Variants in CASQ1 observed in about 807,000 individuals in gnomAD.
The protein encoded by CASQ1 is calsequestrin-1.
A neutral mutation model predicts 49.5 loss-of-function variants in CASQ1; 40 were observed. That is an observed-to-expected ratio of 0.81 (90% confidence interval 0.63 to 1.05). CASQ1 has a LOEUF of 1.05. Among genes scored for constraint, CASQ1 ranks in the 50% least tolerant of loss-of-function variants. The pLI is 0.00. For missense variants in CASQ1, 469 were observed against 486.9 expected (o/e 0.96, Z 0.35); for synonymous variants, 174 against 187.2 (o/e 0.93, Z 0.58).
At position 160,201,554 on chromosome 1, in the gene CASQ1, C is replaced by T. The variant is rs1169911877; in HGVS notation, c.*178C>T. 1 of 641,642 alleles carries T rather than the reference C, an allele frequency of 1.6e-6. No homozygotes were observed. The allele number at this position is 641,642 out of a possible 1,614,324, so 39.7% of individuals were successfully genotyped here. A position where few individuals can be genotyped will look rare whatever the true frequency, so the allele number is the denominator to read the frequency against. On this transcript the variant is annotated 3_prime_UTR_variant, in exon 11 of 11. Transcript: ENST00000368078. ...CCTCATTTGATGAGCAAATGAGCTA[C>T]TTTTCCCTAGACACCAGGCCAGCTC...
Position 160,201,504 on chromosome 1 carries a change from T to C in CASQ1, c.*128T>C. On this transcript the variant is annotated 3_prime_UTR_variant, in exon 11 of 11. Transcript: ENST00000368078. ...GCCATAGAGCTAACTGGGGTCTATA[T>C]GCTGGGTGCTGAGACACTGATCCCC... 1 of 969,730 alleles carries C rather than the reference T, an allele frequency of 1.0e-6. No individual in the cohort carries two copies. The allele number at this position is 969,730 out of a possible 1,614,324, so 60.1% of individuals were successfully genotyped here. A position where few individuals can be genotyped will look rare whatever the true frequency, so the allele number is the denominator to read the frequency against.
Position 160,192,848 on chromosome 1 carries a change from T to C in CASQ1, c.326T>C (p.Val109Ala), listed in dbSNP as rs1654109001. The C allele has an allele frequency of 6.2e-7, 1 of 1,613,730 alleles. No homozygotes were observed. The highest frequency in any genetic ancestry group is 1.1e-5 in the South Asian group (1 of 91,064). ...GACAAGGGTGTTGGCTTCGGGCTGGTAGACTCTGAGAAGGATGCAGCTGTG... is the reference window on the plus strand; with the variant it reads ...GACAAGGGTGTTGGCTTCGGGCTGGCAGACTCTGAGAAGGATGCAGCTGTG... ...LEDKGVGFGL[V>A]DSEKDAAVAK... Residue 109 changes from valine (V) to alanine (A), a missense_variant, in exon 2 of 11, where the codon GTA (valine) becomes GCA (alanine). Transcript: ENST00000368078.
chr1:160,198,181 G>C, intron 7 of CASQ1: 1 of 159,278 alleles, frequency 6.3e-6, no homozygotes, highest in East Asian at 1.8e-4. Context: ...GGAGCTGAAA[G>C]GAGTGTCACT....
At position 160,190,837 on chromosome 1, in the gene CASQ1, A is replaced by G; in HGVS notation, c.86A>G (p.Lys29Arg). Residue 29 changes from lysine (K) to arginine (R), a missense_variant, in exon 1 of 11, where the codon AAG (lysine) becomes AGG (arginine). Physicochemically the swap from Lys to Arg is conservative, Grantham distance 26. Transcript: ENST00000368078. ...TTGCTGCTGGTGCTAGGGACACCCA[A>G]GTCAGGGGTACAGGGGCAGGAAGGG... ...LLLLLVLGTP[K>R]SGVQGQEGLD... is the part of the protein sequence containing the mutation. 1 of 1,614,174 alleles carries G rather than the reference A, an allele frequency of 6.2e-7. No individual in the cohort carries two copies.
In CASQ1 at chr1:160,190,681, C is replaced by G; in HGVS notation, c.-71C>G. ...TGAGCCCCTAACTCAGAATCTGGGACCCAGGGGCCCCTCCCTACCCCAGCT... is the reference window on the plus strand; with the variant it reads ...TGAGCCCCTAACTCAGAATCTGGGAGCCAGGGGCCCCTCCCTACCCCAGCT... On this transcript the variant is annotated 5_prime_UTR_variant, in exon 1 of 11. Coordinates refer to ENST00000368078, the MANE Select transcript of CASQ1 (RefSeq NM_001231.5). 1 of 1,484,448 alleles carries G rather than the reference C, an allele frequency of 6.7e-7. No individual in the cohort carries two copies. Among genetic ancestry groups the G allele is most frequent in the Non-Finnish European group, 9.1e-7 (1 of 1,094,050 alleles). 92.0% of individuals were successfully genotyped at this position (1,484,448 alleles called of 1,614,324 possible).
At chr1:160,199,146 C>T in intron 9 of CASQ1, 93 bp downstream of exon 9, 1 of 851,382 alleles carries the variant, frequency 1.2e-6, no homozygotes, top group Non-Finnish European at 2.0e-6. Flanking sequence ...GGTCCCATCC[C>T]CACCTCCTAG....
At chr1:160,199,492 C>T (rs989310682) in intron 9 of CASQ1, among the ~76,000 whole-genome samples, 2 of 152,200 alleles carry the variant, frequency 1.3e-5, no homozygotes, top group African/African-American at 2.4e-5. Flanking sequence ...AACATTGGCA[C>T]TTACCAGGTA....
chr1:160,192,489 G>A lies in CASQ1; in HGVS notation c.280-313G>A, dbSNP rs141457509. On this transcript the variant is annotated intron_variant, in intron 1 of 10. Coordinates refer to ENST00000368078, the MANE Select transcript of CASQ1 (RefSeq NM_001231.5). The stretch of plus-strand genomic sequence containing the variant: ...CAGGACTCAACCCTGAAGGAGGGAA[G>A]GGGCCCTCAGTCACTCTGAAGCCAG... 79 of 238,236 alleles carry A rather than the reference G, an allele frequency of 3.3e-4. 1 individual carries two copies. The highest frequency in any genetic ancestry group is 2.9e-3 in the Middle Eastern group (2 of 692). 14.8% of individuals were successfully genotyped at this position (238,236 alleles called of 1,614,324 possible).
Position 160,195,844 on chromosome 1 carries a change from C to T in CASQ1, c.652-53C>T, listed in dbSNP as rs777739808. 15 of 1,586,322 alleles carry T rather than the reference C, an allele frequency of 9.5e-6. 1 individual carries two copies. The South Asian group carries it at 1.0e-4, about 11-fold the overall frequency. ...TTTGTTCCCCCATTATACTGCTTCT[C>T]GACATGACCCTGTGTCTCCTGCTCC... On this transcript the variant is annotated intron_variant, in intron 5 of 10. Transcript: ENST00000368078.
chr1:160,193,806 G>A lies in CASQ1; in HGVS notation c.424G>A (p.Gly142Ser), dbSNP rs1654136650. 1 of 1,613,132 alleles carries A rather than the reference G, an allele frequency of 6.2e-7. No homozygotes were observed. Among genetic ancestry groups the A allele is most frequent in the Non-Finnish European group, 8.5e-7 (1 of 1,179,390 alleles). The change falls in exon 3 of 11, where the codon GGC becomes AGC. Residue 142 changes from glycine (G) to serine (S), a missense_variant. By Grantham distance (56) the Gly-to-Ser change is moderately conservative (BLOSUM62 0). Transcript: ENST00000368078. ...FKGDEVIEYD[G>S]EFSADTIVEF... ...GGGAGATGAAGTCATTGAGTACGATGGCGAGTTTTCTGCTGACACCATCGT... is the reference window on the plus strand; with the variant it reads ...GGGAGATGAAGTCATTGAGTACGATAGCGAGTTTTCTGCTGACACCATCGT...
intron 8 of CASQ1, 38 bp downstream of exon 8, chr1:160,198,769 A>AG: frequency 1.3e-6 from 2 of 1,582,478 alleles, no homozygotes; most frequent in Non-Finnish European, 1.7e-6. Flanking sequence ...GAGGGAAGGC[A>AG]GGGGGAGGTG....
chr1:160,195,993 G>C lies in CASQ1; in HGVS notation c.748G>C (p.Glu250Gln), dbSNP rs1571049984. The C allele has an allele frequency of 6.2e-7, 1 of 1,614,044 alleles. No homozygotes were observed. Among genetic ancestry groups the C allele is most frequent in the East Asian group, 2.2e-5 (1 of 44,880 alleles). Reference sequence around the variant, plus strand: ...CATCCCAGACAAGCCCAATAGCGAAGAGGAGATTGTCAACTTCGTGGAGGA... The same window carrying C: ...CATCCCAGACAAGCCCAATAGCGAACAGGAGATTGTCAACTTCGTGGAGGA... The part of the protein sequence containing the change: ...VTIPDKPNSE[E>Q]EIVNFVEEHR... Residue 250 changes from glutamate (E) to glutamine (Q), a missense_variant, in exon 6 of 11, where the codon GAG becomes CAG. Physicochemically the swap from Glu to Gln is conservative, Grantham distance 29. Transcript: ENST00000368078.
intron 7 of CASQ1, 60 bp downstream of exon 7, chr1:160,197,674 T>C (rs1654274222): frequency 8.1e-7 from 1 of 1,231,160 alleles, no homozygotes. Context: ...AAGACTCAAG[T>C]CCTAGAAAAA....
intron 6 of CASQ1, among the ~76,000 whole-genome samples, chr1:160,197,247 T>C (rs1010490532): frequency 6.6e-6 from 1 of 152,240 alleles, no homozygotes. Context: ...CCTAGCATAG[T>C]GCTTAGAACA....
At position 160,199,942 on chromosome 1, in the gene CASQ1, C is replaced by G. The variant is rs750850091; in HGVS notation, c.1059+17C>G. The G allele has an allele frequency of 3.8e-6, 6 of 1,578,784 alleles. No homozygotes were observed. In the Admixed American group the frequency reaches 1.0e-4, roughly 26 times the overall value. ...GTTACTGATGTGAGTTTCCTGTCCT[C>G]ATCCCGGGTTGACCCCCGACTCTAC... On this transcript the variant is annotated intron_variant, in intron 10 of 10. Transcript: ENST00000368078.
rs1051329400 is a variant in CASQ1 at position 160,197,436 on chromosome 1, C to T, written c.783-133C>T. On this transcript the variant is annotated intron_variant, in intron 6 of 10. Transcript: ENST00000368078. Reference sequence around the variant, plus strand: ...CTGGTGCCCAGAGTTGAGGCCTTGCCAGATGGCTTTGTTGTAGGCTACAAG... The same window carrying T: ...CTGGTGCCCAGAGTTGAGGCCTTGCTAGATGGCTTTGTTGTAGGCTACAAG... 6.6e-5 allele frequency: 47 copies of T among 707,824 alleles called. No individual in the cohort carries two copies. The East Asian group carries it at 1.2e-3, about 18-fold the overall frequency. 43.8% of individuals were successfully genotyped at this position (707,824 alleles called of 1,614,324 possible). A position where few individuals can be genotyped will look rare whatever the true frequency, so the allele number is the denominator to read the frequency against.
In CASQ1 at chr1:160,201,390, C is replaced by A. The variant is rs1381722682; in HGVS notation, c.*14C>A. The A allele has an allele frequency of 1.9e-6, 3 of 1,613,198 alleles. No individual in the cohort carries two copies. The highest frequency in any genetic ancestry group is 2.7e-5 in the African/African-American group (2 of 74,896). On this transcript the variant is annotated 3_prime_UTR_variant, in exon 11 of 11. Transcript: ENST00000368078. ...GATGATGACTAGTTGCTATGGCAAC[C>A]ATCTTTCAGCCCCACTGGTCTTTTC... is the stretch of plus-strand genomic sequence containing the variant.
chr1:160,192,894 A>C lies in CASQ1; in HGVS notation c.364+8A>C. Reference sequence around the variant, plus strand: ...CTGTGGCCAAGAAACTAGGTAAGAGAGGGGAGGGCAGGGGAGGGGAAGGTG... The same window carrying C: ...CTGTGGCCAAGAAACTAGGTAAGAGCGGGGAGGGCAGGGGAGGGGAAGGTG... On this transcript the variant is annotated splice_region_variant and intron_variant, in intron 2 of 10. Transcript: ENST00000368078. 6.8e-7 allele frequency: 1 copy of C among 1,463,772 alleles called. No homozygotes were observed. Among genetic ancestry groups the C allele is most frequent in the Non-Finnish European group, 9.5e-7 (1 of 1,051,854 alleles). 90.7% of individuals were successfully genotyped at this position (1,463,772 alleles called of 1,614,324 possible). A position where few individuals can be genotyped will look rare whatever the true frequency, so the allele number is the denominator to read the frequency against.
At chr1:160,199,590 C>G (rs927891198) in intron 9 of CASQ1, among the ~76,000 whole-genome samples, 4 of 152,174 alleles carry the variant, frequency 2.6e-5, no homozygotes, top group Non-Finnish European at 5.9e-5. Flanking sequence ...AGGATCAGAA[C>G]AGGGTTTCCT....
Sources: allele counts gnomAD v4.1 joint callset (sites outside exome capture counted in the v4.1 genomes callset), GRCh38; gene constraint gnomAD v4.1.1; transcripts MANE v1.5; gene names NCBI Gene and HGNC (gene_info 2026-07-23, HGNC 2026-07-21).